Variants in LRRC8D observed in about 807,000 individuals in gnomAD.
LRRC8D encodes leucine rich repeat containing 8 VRAC subunit D.
LRRC8D carries 20 observed loss-of-function variants against 55.8 expected under a neutral mutation model. The ratio of observed to expected loss-of-function variants is 0.36; its 90% CI spans 0.25 to 0.52. The LOEUF (loss-of-function observed/expected upper bound fraction) is 0.52. LRRC8D is among the 20% of genes least tolerant of loss of function. LRRC8D has a pLI of 0.93. For missense variants in LRRC8D, 651 were observed against 1,030.8 expected, an observed-to-expected ratio of 0.63 and a Z score of 5.05; for synonymous variants, 352 against 377.0, an observed-to-expected ratio of 0.93 and a Z score of 0.77.
In LRRC8D at chr1:89,883,735, T is replaced by C. The variant is rs1001610498; in HGVS notation, c.-3+39953T>C. Among the ~76,000 whole-genome samples the C allele has an allele frequency of 3.9e-5, 6 of 152,184 alleles. 1 individual carries two copies. The highest frequency in any genetic ancestry group is 3.3e-4 in the Admixed American group (5 of 15,290). On this transcript the variant is annotated intron_variant, in intron 2 of 2. Transcript: ENST00000337338. ...CAGAACATCTAACATGTTGTTCAAG[T>C]GGTATAATTGACATATTGATGATCA...
chr1:89,926,832 A>T (rs1285982243), intron 2 of LRRC8D, among the ~76,000 whole-genome samples: 1 of 152,246 alleles, frequency 6.6e-6, no homozygotes, highest in East Asian at 1.9e-4. Context: ...TAGGAAGAAC[A>T]TGTGCTTTGG....
intron 2 of LRRC8D, among the ~76,000 whole-genome samples, chr1:89,923,535 T>C (rs1281933950): frequency 1.3e-5 from 2 of 152,264 alleles, no homozygotes; most frequent in East Asian, 3.9e-4. Context: ...ACAGTGCTAT[T>C]CCTATCAAAC....
At chr1:89,853,715 T>A (rs1356904425) in intron 2 of LRRC8D, among the ~76,000 whole-genome samples, 2 of 150,938 alleles carry the variant, frequency 1.3e-5, no homozygotes, top group African/African-American at 4.9e-5. Flanking sequence ...TCCGGTAGAG[T>A]GAAGATTGAA....
intron 2 of LRRC8D, among the ~76,000 whole-genome samples, chr1:89,892,122 G>A (rs2100881563): frequency 6.6e-6 from 1 of 152,258 alleles, no homozygotes; most frequent in South Asian, 2.1e-4. Flanking sequence ...TTCTTTAGTG[G>A]TCAAGCCATA....
At chr1:89,842,212 CAGA>C (rs756347614) in intron 1 of LRRC8D, among the ~76,000 whole-genome samples, 5 of 11,056 alleles carry the variant, frequency 4.5e-4, no homozygotes, top group East Asian at 4.2e-3. Flanking sequence ...GACTCTGTCT[CAGA>C]AAAAAAAAAA....
chr1:89,867,845 G>T (rs1333666039), intron 2 of LRRC8D, among the ~76,000 whole-genome samples: 1 of 152,040 alleles, frequency 6.6e-6, no homozygotes, highest in Non-Finnish European at 1.5e-5. Flanking sequence ...AGATTCTCAG[G>T]GTTATAACTT....
At chr1:89,869,611 C>G (rs1365377440) in intron 2 of LRRC8D, among the ~76,000 whole-genome samples, 1 of 152,062 alleles carries the variant, frequency 6.6e-6, no homozygotes, top group Non-Finnish European at 1.5e-5. Context: ...ACAGAGAACA[C>G]CACAAAGATA....
At chr1:89,919,235 A>G (rs1315955686) in intron 2 of LRRC8D, among the ~76,000 whole-genome samples, 2 of 152,160 alleles carry the variant, frequency 1.3e-5, no homozygotes, top group African/African-American at 4.8e-5. Context: ...TAACTTTGAG[A>G]ACTTTTTGAG....
At chr1:89,859,403 T>A (rs1331165471) in intron 2 of LRRC8D, among the ~76,000 whole-genome samples, 2 of 152,250 alleles carry the variant, frequency 1.3e-5, no homozygotes, top group Non-Finnish European at 2.9e-5. Flanking sequence ...TGCCTTTGAC[T>A]GCTGACATTG....
At chr1:89,890,403 A>G (rs1379431530) in intron 2 of LRRC8D, among the ~76,000 whole-genome samples, 1 of 152,190 alleles carries the variant, frequency 6.6e-6, no homozygotes, top group African/African-American at 2.4e-5. Flanking sequence ...TCCTGGTTAC[A>G]GCCAACTTTT....
intron 2 of LRRC8D, among the ~76,000 whole-genome samples, chr1:89,873,465 G>T (rs1263306799): frequency 6.6e-6 from 1 of 152,160 alleles, no homozygotes; most frequent in Non-Finnish European, 1.5e-5. Context: ...AAATGACTAG[G>T]TGGATGTTGA....
rs146065825 is a variant in LRRC8D, at chr1:89,903,652, G to A, written c.-2-29415G>A. Among the ~76,000 whole-genome samples, 776 of 152,224 alleles carry A rather than the reference G, an allele frequency of 5.1e-3. 9 individuals carry two copies. Among genetic ancestry groups the A allele is most frequent in the African/African-American group, 0.018 (732 of 41,526 alleles). On this transcript the variant is annotated intron_variant, in intron 2 of 2. Coordinates refer to ENST00000337338, the MANE Select transcript of LRRC8D (RefSeq NM_001134479.2). Reference sequence around the variant, plus strand: ...GTCTTTTCAGGATTCTGGTGGACTCGGTTGGTTTATTTTAAGGATGAGAGT... The same window carrying A: ...GTCTTTTCAGGATTCTGGTGGACTCAGTTGGTTTATTTTAAGGATGAGAGT...
chr1:89,877,138 T>C (rs1164654685), intron 2 of LRRC8D, among the ~76,000 whole-genome samples: 2 of 152,250 alleles, frequency 1.3e-5, no homozygotes, highest in African/African-American at 4.8e-5. Flanking sequence ...AAGGGTCTGC[T>C]TTAGGCCTCT....
At chr1:89,867,387 A>G (rs1661878255) in intron 2 of LRRC8D, among the ~76,000 whole-genome samples, 1 of 152,232 alleles carries the variant, frequency 6.6e-6, no homozygotes, top group Non-Finnish European at 1.5e-5. Context: ...TTGTATAAAT[A>G]TGCCAGATTT....
chr1:89,833,910 T>TC, intron 1 of LRRC8D: 1 of 152,260 alleles, frequency 6.6e-6, no homozygotes, highest in South Asian at 2.1e-4. Flanking sequence ...TCCTTGGTTT[T>TC]CCCCCCTCCT....
rs145201531 is a variant in LRRC8D, at chr1:89,925,937, G to A, written c.-2-7130G>A. On this transcript the variant is annotated intron_variant, in intron 2 of 2. Coordinates refer to ENST00000337338, the MANE Select transcript of LRRC8D (RefSeq NM_001134479.2). The stretch of plus-strand genomic sequence containing the variant: ...TTGGTTTCCATACTTTGGCTTACCC[G>A]TGAGATGTGATATCTGTACAGGGGT... Among the ~76,000 whole-genome samples the A allele has an allele frequency of 5.2e-3, 793 of 152,320 alleles. 4 individuals carry two copies. Among genetic ancestry groups the A allele is most frequent in the Non-Finnish European group, 8.7e-3 (589 of 68,030 alleles).
chr1:89,897,314 G>A (rs907423287), intron 2 of LRRC8D, among the ~76,000 whole-genome samples: 1 of 152,182 alleles, frequency 6.6e-6, no homozygotes, highest in East Asian at 1.9e-4. Flanking sequence ...TTTAGGTTGA[G>A]TATTAAGGGA....
intron 2 of LRRC8D, among the ~76,000 whole-genome samples, chr1:89,908,360 G>A (rs138264573): frequency 1.0e-3 from 152 of 152,284 alleles, no homozygotes; most frequent in African/African-American, 3.5e-3. Context: ...GAGGCTGAGC[G>A]AGACTAAGTA....
chr1:89,900,920 C>T (rs1022359066), intron 2 of LRRC8D, among the ~76,000 whole-genome samples: 2 of 152,122 alleles, frequency 1.3e-5, no homozygotes, highest in South Asian at 2.1e-4. Context: ...TTTGCCATGG[C>T]GACTGGAGGC....
Sources: allele counts gnomAD v4.1 joint callset (sites outside exome capture counted in the v4.1 genomes callset), GRCh38; gene constraint gnomAD v4.1.1; transcripts MANE v1.5; gene names NCBI Gene and HGNC (gene_info 2026-07-23, HGNC 2026-07-21).